The following DPY19L3 variants were observed in gnomAD, a reference collection of about 807,000 sequenced individuals.
DPY19L3 encodes protein C-mannosyl-transferase DPY19L3.
Under a neutral mutation model 92.3 loss-of-function variants are expected in DPY19L3, and 51 were observed. That is an observed-to-expected ratio of 0.55 (90% CI 0.44 to 0.70). The LOEUF (loss-of-function observed/expected upper bound fraction) is 0.70. Ranked by LOEUF, DPY19L3 falls within the 30% of genes least tolerant of loss-of-function variation. The pLI is 0.00. For missense variants in DPY19L3, 706 were observed against 855.9 expected (o/e 0.82, Z 2.18); for synonymous variants, 309 against 315.2 (o/e 0.98, Z 0.21).
At chr19:32,476,733 C>T (rs1970523210) in intron 16 of DPY19L3, among the ~76,000 whole-genome samples, 1 of 152,038 alleles carries the variant, frequency 6.6e-6, no homozygotes, top group Non-Finnish European at 1.5e-5. Context: ...TATTAGGGTG[C>T]CCCGTGTTCC....
At chr19:32,431,135 T>A (rs1968952574) in intron 3 of DPY19L3, among the ~76,000 whole-genome samples, 1 of 152,088 alleles carries the variant, frequency 6.6e-6, no homozygotes, top group African/African-American at 2.4e-5. Context: ...ATCCCAGCAC[T>A]TTGGGAGGCC....
intron 15 of DPY19L3, chr19:32,467,554 C>G: frequency 3.0e-6 from 3 of 987,594 alleles, no homozygotes; most frequent in Non-Finnish European, 3.6e-6. Flanking sequence ...TTTGAATGAG[C>G]AGTAAAAATG....
chr19:32,476,255 C>T (rs541148529), intron 16 of DPY19L3, among the ~76,000 whole-genome samples: 1 of 152,202 alleles, frequency 6.6e-6, no homozygotes, highest in South Asian at 2.1e-4. Context: ...GTGCCCTGCT[C>T]CAAAACCATG....
At chr19:32,453,034 G>GCATTA in intron 8 of DPY19L3, 111 bp from the exon 9 acceptor site, 1 of 1,282,266 alleles carries the variant, frequency 7.8e-7, no homozygotes. Context: ...ATCTACATGT[G>GCATTA]TTTTCTGCAT....
At position 32,443,283 on chromosome 19, in the gene DPY19L3, C is replaced by A. The variant is rs574600912; in HGVS notation, c.855+3373C>A. Among the ~76,000 whole-genome samples, 3 of 152,316 alleles carry A rather than the reference C, an allele frequency of 2.0e-5. No individual in the cohort carries two copies. The East Asian group carries it at 5.8e-4, about 29-fold the overall frequency. On this transcript the variant is annotated intron_variant, in intron 8 of 18. Transcript: ENST00000392250. ...GAGGGCAAGTGGGCACCTTGGACTT[C>A]CATTTCCGTCTGAAAGTACTGAGGC...
At chr19:32,427,908 C>T (rs1021529146) in intron 3 of DPY19L3, 4 of 150,702 alleles carry the variant, frequency 2.7e-5, no homozygotes, top group Admixed American at 6.6e-5. Flanking sequence ...GTTAATTTTT[C>T]GGTGGCTTCC....
intron 3 of DPY19L3, among the ~76,000 whole-genome samples, chr19:32,424,917 A>G (rs1968706146): frequency 6.6e-6 from 1 of 152,230 alleles, no homozygotes; most frequent in South Asian, 2.1e-4. Context: ...GGGAATACAG[A>G]CATAAATCCT....
chr19:32,454,466 C>T (rs527613621), intron 9 of DPY19L3, among the ~76,000 whole-genome samples: 9 of 151,914 alleles, frequency 5.9e-5, no homozygotes, highest in Admixed American at 5.2e-4. Context: ...CCCAGCTACT[C>T]GGGAGGCTGA....
intron 8 of DPY19L3, among the ~76,000 whole-genome samples, chr19:32,442,706 G>T (rs1969362516): frequency 6.6e-6 from 1 of 152,130 alleles, no homozygotes; most frequent in South Asian, 2.1e-4. Flanking sequence ...CTAGCAAAAG[G>T]ACCAGAAGAG....
At chr19:32,460,605 AAAC>A (rs1970007497) in intron 12 of DPY19L3, among the ~76,000 whole-genome samples, 1 of 152,200 alleles carries the variant, frequency 6.6e-6, no homozygotes, top group Non-Finnish European at 1.5e-5. Context: ...TCTATTTAAA[AAAC>A]AAAGTGATTG....
chr19:32,462,048 T>G (rs898055680), intron 12 of DPY19L3, among the ~76,000 whole-genome samples: 1 of 152,212 alleles, frequency 6.6e-6, no homozygotes, highest in Non-Finnish European at 1.5e-5. Context: ...GTGATAAAGT[T>G]TAATTTATAA....
At chr19:32,455,346 G>A (rs985059762) in intron 10 of DPY19L3, among the ~76,000 whole-genome samples, 6 of 152,032 alleles carry the variant, frequency 3.9e-5, no homozygotes, top group African/African-American at 1.2e-4. Flanking sequence ...CTTCAAACAG[G>A]CTCAGTTTTA....
At chr19:32,424,989 T>C (rs1968708775) in intron 3 of DPY19L3, among the ~76,000 whole-genome samples, 1 of 152,160 alleles carries the variant, frequency 6.6e-6, no homozygotes, top group Non-Finnish European at 1.5e-5. Context: ...GAAAGAATAG[T>C]CTTCAATAAA....
At chr19:32,423,402 A>ATTTT (rs71176123) in intron 3 of DPY19L3, among the ~76,000 whole-genome samples, 3 of 82,226 alleles carry the variant, frequency 3.6e-5, no homozygotes, top group African/African-American at 9.6e-5. Flanking sequence ...TGCCCAGCTA[A>ATTTT]TTTTTTTTTT....
At chr19:32,414,114 C>T (rs1968294581) in intron 3 of DPY19L3, among the ~76,000 whole-genome samples, 1 of 152,030 alleles carries the variant, frequency 6.6e-6, no homozygotes, top group South Asian at 2.1e-4. Flanking sequence ...GAAACCCCGT[C>T]TCTACTAAAG....
At chr19:32,462,854 G>A (rs889800200) in intron 12 of DPY19L3, among the ~76,000 whole-genome samples, 2 of 152,144 alleles carry the variant, frequency 1.3e-5, no homozygotes, top group East Asian at 3.8e-4. Context: ...TTTATTGGGT[G>A]TAATAATTTT....
chr19:32,411,658 C>T (rs990630686), intron 3 of DPY19L3: 231 of 374,820 alleles, frequency 6.2e-4, no homozygotes, highest in Non-Finnish European at 9.8e-4. Context: ...ACCTCTGCCT[C>T]GCAGGTTCAG....
intron 9 of DPY19L3, among the ~76,000 whole-genome samples, chr19:32,454,385 T>C (rs1969799708): frequency 6.6e-6 from 1 of 152,040 alleles, no homozygotes; most frequent in Non-Finnish European, 1.5e-5. Context: ...CCATGCTGGC[T>C]AACATGGTGA....
chr19:32,453,304 A>C (rs1281929213), intron 9 of DPY19L3, 28 bp downstream of exon 9: 3 of 1,577,088 alleles, frequency 1.9e-6, no homozygotes, highest in African/African-American at 2.8e-5. Flanking sequence ...TCCTTTATCA[A>C]AGTAAACTTT....
Sources: gnomAD v4.1 joint callset for allele counts (sites outside exome capture counted in the v4.1 genomes callset) on GRCh38, gnomAD v4.1.1 for gene constraint, MANE v1.5 for transcripts, NCBI Gene and HGNC (gene_info 2026-07-23, HGNC 2026-07-21) for gene names.